MRE11: variants seen among roughly 807,000 people sequenced by gnomAD.
MRE11 encodes the protein MRE11 double strand break repair nuclease.
A neutral mutation model predicts 91.7 loss-of-function variants in MRE11; 62 were observed. The observed-to-expected ratio is 0.68, with a 90% CI of 0.55 to 0.84. MRE11 has a LOEUF of 0.84. MRE11 is among the 40% of genes least tolerant of loss of function. MRE11 has a pLI of 0.00. For synonymous variants in MRE11, 273 were observed against 271.4 expected (o/e 1.01, Z -0.06); for missense variants, 796 against 852.9 (o/e 0.93, Z 0.83).
chr11:94,488,613 T>C lies in MRE11; in HGVS notation c.153+2220A>G, dbSNP rs1403755710. ...GTGGTACATATAAACCATGGAATAC[T>C]ATGCAGCTATTAAAAAGAACCAGAT... On this transcript the variant is annotated intron_variant, in intron 3 of 19. Transcript: ENST00000323929. 1.3e-5 allele frequency among the ~76,000 whole-genome samples: 2 copies of C among 152,238 alleles called. 1 individual carries two copies. The highest frequency in any genetic ancestry group is 2.9e-5 in the Non-Finnish European group (2 of 68,042).
chr11:94,442,559 G>A (rs943850671), intron 16 of MRE11, among the ~76,000 whole-genome samples: 3 of 152,086 alleles, frequency 2.0e-5, no homozygotes, highest in Non-Finnish European at 4.4e-5. Flanking sequence ...CTACATCTAT[G>A]ACTCTGTCGA....
At position 94,459,429 on chromosome 11, in the gene MRE11, G is replaced by C. The variant is rs753325874; in HGVS notation, c.1479C>G (p.Leu493=). The part of the protein sequence containing the change: ...RFLKERHIDA[L]EDKIDEEVRR... ...TTACCTCCTCATCGATTTTGTCTTC[G>C]AGGGCATCAATATGACGTTCTTTAA... is the stretch of plus-strand genomic sequence containing the variant. Residue 493 remains leucine (L), a synonymous_variant, in exon 13 of 20, where the codon CTC becomes CTG. Transcript: ENST00000323929. 1.9e-6 allele frequency: 3 copies of C among 1,613,754 alleles called. No individual in the cohort carries two copies. Among genetic ancestry groups the C allele is most frequent in the Non-Finnish European group, 2.5e-6 (3 of 1,179,882 alleles).
At chr11:94,475,562 G>C in intron 7 of MRE11, 1 of 455,130 alleles carries the variant, frequency 2.2e-6, no homozygotes, top group South Asian at 1.6e-5. Flanking sequence ...TTACTGCAGT[G>C]ATCAGATAAT....
intron 7 of MRE11, 92 bp from the exon 8 acceptor site, chr11:94,471,851 A>G: frequency 9.7e-7 from 1 of 1,034,164 alleles, no homozygotes; most frequent in African/African-American, 1.6e-5. Flanking sequence ...CCATTCACTA[A>G]AGATTTTATT....
chr11:94,472,701 CAT>C (rs1430633801), intron 7 of MRE11, among the ~76,000 whole-genome samples: 1 of 152,054 alleles, frequency 6.6e-6, no homozygotes, highest in African/African-American at 2.4e-5. Flanking sequence ...TATTTTAAAA[CAT>C]GTATAAAATT....
chr11:94,483,268 C>CCCA (rs1475115643), intron 4 of MRE11, among the ~76,000 whole-genome samples: 4 of 152,206 alleles, frequency 2.6e-5, no homozygotes, highest in African/African-American at 9.6e-5. Context: ...GGCCCAGGAC[C>CCCA]AGCTGGGCAA....
intron 4 of MRE11, among the ~76,000 whole-genome samples, chr11:94,484,230 G>A (rs1947082254): frequency 6.6e-6 from 1 of 152,154 alleles, no homozygotes; most frequent in Non-Finnish European, 1.5e-5. Flanking sequence ...GGTTTCTACT[G>A]ATATAGACAA....
chr11:94,479,674 C>G lies in MRE11; in HGVS notation c.402G>C (p.Gly134=), dbSNP rs587782669. Residue 134 remains glycine (G), a splice_region_variant and synonymous_variant, in exon 5 of 20, where the codon GGG becomes GGC. Transcript: ENST00000323929. ...SIHGNHDDPT[G]ADALCALDIL... ...CAAACTCTAAGAAAACAATAATTAC[C>G]CCTGTGGGATCGTCATGATTGCCAT... 6.2e-6 allele frequency: 10 copies of G among 1,610,552 alleles called. No homozygotes were observed. The highest frequency in any genetic ancestry group is 8.5e-6 in the Non-Finnish European group (10 of 1,177,580).
rs1166337847 is a variant in MRE11 at position 94,490,853 on chromosome 11, T to G, written c.133A>C (p.Arg45=). ...CTCACTTCATTTTCCTGGGCAAGTC[T>G]TAAAATTTCATCGAGTGTTACAAAC... ...DTFVTLDEIL[R]LAQENEVDFI... is the part of the protein sequence containing the mutation. The change falls in exon 3 of 20, where the codon AGA becomes CGA. Residue 45 remains arginine, a synonymous_variant. Transcript: ENST00000323929. 1.9e-6 allele frequency: 3 copies of G among 1,613,604 alleles called. No individual in the cohort carries two copies. The African/African-American group carries it at 4.0e-5, about 22-fold the overall frequency.
chr11:94,441,133 T>C (rs1051463189), intron 16 of MRE11, among the ~76,000 whole-genome samples: 1 of 152,192 alleles, frequency 6.6e-6, no homozygotes, highest in African/African-American at 2.4e-5. Flanking sequence ...AGGTCCCCTT[T>C]AAAAGAGTCC....
chr11:94,432,703 G>A (rs1408382435), intron 18 of MRE11, among the ~76,000 whole-genome samples: 1 of 152,206 alleles, frequency 6.6e-6, no homozygotes, highest in Non-Finnish European at 1.5e-5. Flanking sequence ...CTATTCGGGA[G>A]GCTGAGGCAG....
In MRE11 at chr11:94,460,555, A is replaced by T. The variant is rs553592546; in HGVS notation, c.1326+381T>A. On this transcript the variant is annotated intron_variant, in intron 12 of 19. Coordinates refer to ENST00000323929, the MANE Select transcript of MRE11 (RefSeq NM_005591.4). ...GGTATTCACAATTAACATTAATTAAACACTAATTTTCTTTGATGTGCAGCA... is the reference window on the plus strand; with the variant it reads ...GGTATTCACAATTAACATTAATTAATCACTAATTTTCTTTGATGTGCAGCA... Among the ~76,000 whole-genome samples, 3 of 152,370 alleles carry T rather than the reference A, an allele frequency of 2.0e-5. No homozygotes were observed. In the East Asian group the frequency reaches 5.8e-4, roughly 29 times the overall value.
intron 16 of MRE11, among the ~76,000 whole-genome samples, chr11:94,441,696 G>A (rs898342729): frequency 1.3e-5 from 2 of 152,192 alleles, no homozygotes; most frequent in South Asian, 4.2e-4. Context: ...AAGCAAATAG[G>A]CTGGGCAAGG....
chr11:94,475,817 A>T (rs1431653871), intron 7 of MRE11, among the ~76,000 whole-genome samples: 1 of 152,228 alleles, frequency 6.6e-6, no homozygotes, highest in Non-Finnish European at 1.5e-5. Flanking sequence ...CAGTAAAAAT[A>T]AATTACACAT....
chr11:94,421,986 G>A (rs1400850159), intron 19 of MRE11, among the ~76,000 whole-genome samples: 1 of 152,002 alleles, frequency 6.6e-6, no homozygotes, highest in Non-Finnish European at 1.5e-5. Flanking sequence ...GTTTAATATG[G>A]ATCTATTTAA....
upstream of MRE11, chr11:94,497,291 T>C (rs1490401260): frequency 4.4e-6 from 2 of 459,024 alleles, no homozygotes; most frequent in Non-Finnish European, 7.6e-6. Flanking sequence ...TATTTAATCA[T>C]CATGTATCCC....
chr11:94,492,779 T>TA lies in MRE11; in HGVS notation c.20+2dup, dbSNP rs1284820516. On this transcript the variant is annotated splice_region_variant and intron_variant, in intron 2 of 19. Coordinates refer to ENST00000323929, the MANE Select transcript of MRE11 (RefSeq NM_005591.4). ...CAAGGGATTCCAGAAGTCAGGTGCT[T>TA]ACAGTGCATCTGCAGTACTCATTTT... 1 of 1,613,922 alleles carries TA rather than the reference T, an allele frequency of 6.2e-7. No homozygotes were observed. The highest frequency in any genetic ancestry group is 2.2e-5 in the East Asian group (1 of 44,892).
chr11:94,476,692 C>A (rs1591703790), intron 6 of MRE11, among the ~76,000 whole-genome samples: 1 of 151,902 alleles, frequency 6.6e-6, no homozygotes, highest in East Asian at 1.9e-4. Flanking sequence ...AAGCATAAGC[C>A]ACCATGCCTA....
chr11:94,463,164 A>G (rs2135014222), intron 11 of MRE11, among the ~76,000 whole-genome samples: 1 of 152,372 alleles, frequency 6.6e-6, no homozygotes, highest in East Asian at 1.9e-4. Context: ...TATGCAGCCA[A>G]CAGACACATG....
Sources: gnomAD v4.1 joint callset for allele counts (sites outside exome capture counted in the v4.1 genomes callset) on GRCh38, gnomAD v4.1.1 for gene constraint, MANE v1.5 for transcripts, NCBI Gene and HGNC (gene_info 2026-07-23, HGNC 2026-07-21) for gene names.